The following APBA2 variants were observed in gnomAD, a reference collection of about 807,000 sequenced individuals.
APBA2 encodes amyloid beta precursor protein binding family A member 2.
Under a neutral mutation model 75.0 loss-of-function variants are expected in APBA2, and 30 were observed. The observed-to-expected ratio is 0.40, with a 90% CI of 0.30 to 0.54. APBA2 has a LOEUF of 0.54. Ranked by LOEUF, APBA2 falls within the 20% of genes least tolerant of loss-of-function variation. The pLI, the probability that APBA2 is intolerant of heterozygous loss-of-function variation, is 0.49. For synonymous variants in APBA2, 444 were observed against 409.6 expected (o/e 1.08, Z -1.01); for missense variants, 801 against 1,016.1 (o/e 0.79, Z 2.88).
chr15:29,048,175 C>T (rs574774446), intron 3 of APBA2, among the ~76,000 whole-genome samples: 2 of 152,228 alleles, frequency 1.3e-5, no homozygotes, highest in African/African-American at 4.8e-5. Flanking sequence ...GGCAAAACTT[C>T]ATCTCTACAA....
At chr15:29,079,452 C>T (rs2042991865) in intron 6 of APBA2, among the ~76,000 whole-genome samples, 1 of 152,184 alleles carries the variant, frequency 6.6e-6, no homozygotes, top group South Asian at 2.1e-4. Flanking sequence ...ACTTAGAAGA[C>T]CCAGAAGCCT....
chr15:29,039,401 C>G (rs1034241054), intron 3 of APBA2, among the ~76,000 whole-genome samples: 1 of 152,072 alleles, frequency 6.6e-6, no homozygotes, highest in African/African-American at 2.4e-5. Context: ...ATCCAGCTCC[C>G]CATCAGAAAC....
At chr15:29,039,575 A>AT (rs1335419999) in intron 3 of APBA2, among the ~76,000 whole-genome samples, 1 of 152,084 alleles carries the variant, frequency 6.6e-6, no homozygotes, top group Non-Finnish European at 1.5e-5. Context: ...AGGAATTGAT[A>AT]TTTTTTAAAC....
chr15:28,901,908 A>ATATGTGTGTGTGTG (rs2032879823), intron 1 of APBA2, among the ~76,000 whole-genome samples: 7 of 67,380 alleles, frequency 1.0e-4, no homozygotes, highest in Admixed American at 1.9e-4. Flanking sequence ...GGAGCTTTTG[A>ATATGTGTGTGTGTG]TGTGTGTGTG....
In APBA2 at chr15:28,943,932, C is replaced by T. The variant is rs938579530; in HGVS notation, c.-95+22183C>T. Among the ~76,000 whole-genome samples, 6 of 152,104 alleles carry T rather than the reference C, an allele frequency of 3.9e-5. No individual in the cohort carries two copies. The East Asian group carries it at 5.8e-4, about 15-fold the overall frequency. The stretch of plus-strand genomic sequence containing the variant: ...TCCTGCTTGGGGAGGCTGGGGTGGC[C>T]GCTACACAGTGCCCTGCCGTGGCCC... On this transcript the variant is annotated intron_variant, in intron 2 of 14. Transcript: ENST00000683413.
At chr15:28,916,635 C>T (rs1443699560) in intron 1 of APBA2, among the ~76,000 whole-genome samples, 1 of 120,372 alleles carries the variant, frequency 8.3e-6, no homozygotes, top group Non-Finnish European at 1.9e-5. Context: ...ATTCTCTAGC[C>T]ATCTTGACGG....
intron 3 of APBA2, among the ~76,000 whole-genome samples, chr15:29,035,534 G>A (rs978821192): frequency 1.2e-4 from 18 of 152,226 alleles, no homozygotes; most frequent in East Asian, 9.7e-4. Flanking sequence ...CCTTGGGGGC[G>A]CCATGTGATG....
intron 2 of APBA2, among the ~76,000 whole-genome samples, chr15:28,973,659 A>T (rs530576347): frequency 2.6e-4 from 40 of 152,356 alleles, no homozygotes; most frequent in Non-Finnish European, 5.6e-4. Flanking sequence ...AAAAAATTGT[A>T]TATGTATGAC....
chr15:28,926,205 A>G (rs1201768685), intron 2 of APBA2, among the ~76,000 whole-genome samples: 3 of 152,188 alleles, frequency 2.0e-5, no homozygotes, highest in Non-Finnish European at 2.9e-5. Flanking sequence ...ATTAATATCA[A>G]ACTTTTTAGT....
chr15:29,053,813 G>C, intron 3 of APBA2, 32 bp from the exon 4 acceptor site: 1 of 1,413,006 alleles, frequency 7.1e-7, no homozygotes, highest in Non-Finnish European at 9.7e-7. Flanking sequence ...GTGGGGTTTT[G>C]ACTCTGTCCT....
intron 1 of APBA2, among the ~76,000 whole-genome samples, chr15:28,909,941 C>T (rs2033350611): frequency 6.6e-6 from 1 of 152,198 alleles, no homozygotes; most frequent in Admixed American, 6.5e-5. Flanking sequence ...GTGCGATCCT[C>T]TGGTCACTTG....
At chr15:29,011,950 C>A in intron 3 of APBA2, among the ~76,000 whole-genome samples, 1 of 152,094 alleles carries the variant, frequency 6.6e-6, no homozygotes, top group Middle Eastern at 3.2e-3. Flanking sequence ...TGTCTAATTA[C>A]CAATATAGGT....
chr15:29,116,992 C>A (rs2045219233), intron 14 of APBA2, 70 bp from the exon 15 acceptor site: 2 of 1,528,522 alleles, frequency 1.3e-6, no homozygotes, highest in Non-Finnish European at 1.8e-6. Flanking sequence ...TGCCTCTGTC[C>A]TTTGCTTTCA....
intron 2 of APBA2, among the ~76,000 whole-genome samples, chr15:28,936,848 G>A (rs954553070): frequency 1.8e-4 from 28 of 152,186 alleles, no homozygotes; most frequent in African/African-American, 6.8e-4. Flanking sequence ...TGCTGGGACA[G>A]ACAGGAGACC....
intron 3 of APBA2, chr15:29,044,223 G>T (rs965087255): frequency 6.6e-6 from 1 of 152,056 alleles, no homozygotes; most frequent in Non-Finnish European, 1.5e-5. Context: ...CTATTTTCCC[G>T]TGCAAAAGAA....
intron 1 of APBA2, among the ~76,000 whole-genome samples, chr15:28,887,021 G>A (rs894132925): frequency 6.6e-6 from 1 of 152,270 alleles, no homozygotes; most frequent in Non-Finnish European, 1.5e-5. Context: ...CAGGCGGGGA[G>A]GGGGCGAACT....
intron 4 of APBA2, among the ~76,000 whole-genome samples, chr15:29,060,152 C>A (rs79268582): frequency 6.6e-6 from 1 of 152,190 alleles, no homozygotes; most frequent in Admixed American, 6.5e-5. Context: ...GGACCCTTGG[C>A]TTCTGCAGAT....
At position 29,047,236 on chromosome 15, in the gene APBA2, G is replaced by C. The variant is rs921614446; in HGVS notation, c.-40-6609G>C. 2.0e-5 allele frequency among the ~76,000 whole-genome samples: 3 copies of C among 152,198 alleles called. No homozygotes were observed. The South Asian group carries it at 6.2e-4, about 32-fold the overall frequency. ...GTAATTCTGTGGAGTCTTTGAAGACGTGGCTGCCTTCTGGGTAGCTGCTGT... is the reference window on the plus strand; with the variant it reads ...GTAATTCTGTGGAGTCTTTGAAGACCTGGCTGCCTTCTGGGTAGCTGCTGT... On this transcript the variant is annotated intron_variant, in intron 3 of 14. Coordinates refer to ENST00000683413, the MANE Select transcript of APBA2 (RefSeq NM_001353788.2).
chr15:28,981,427 A>C (rs1042942970), intron 2 of APBA2, among the ~76,000 whole-genome samples: 3 of 152,218 alleles, frequency 2.0e-5, no homozygotes, highest in African/African-American at 7.2e-5. Flanking sequence ...ACTAATCATC[A>C]GAAGAATGCA....
Sources: gnomAD v4.1 joint callset for allele counts (sites outside exome capture counted in the v4.1 genomes callset) on GRCh38, gnomAD v4.1.1 for gene constraint, MANE v1.5 for transcripts, NCBI Gene and HGNC (gene_info 2026-07-23, HGNC 2026-07-21) for gene names.